Variants in NAALADL2 observed in about 807,000 individuals in gnomAD.
NAALADL2 encodes the protein inactive N-acetylated-alpha-linked acidic dipeptidase-like protein 2.
In NAALADL2, 76 loss-of-function variants were observed where a neutral mutation model predicts 87.2. The observed-to-expected ratio is 0.87, with a 90% CI of 0.72 to 1.05. NAALADL2 has a LOEUF of 1.05. Ranked by LOEUF, NAALADL2 falls within the 50% of genes least tolerant of loss-of-function variation. NAALADL2 has a pLI of 0.00. For missense variants in NAALADL2, 1,089 were observed against 945.8 expected (o/e 1.15, Z -1.99); for synonymous variants, 354 against 331.0 (o/e 1.07, Z -0.75).
intron 1 of NAALADL2, among the ~76,000 whole-genome samples, chr3:174,896,342 T>TA (rs1168679197): frequency 6.6e-6 from 1 of 152,086 alleles, no homozygotes; most frequent in African/African-American, 2.4e-5. Flanking sequence ...AGTTGCAGGA[T>TA]AAAAAATCAA....
chr3:175,127,620 A>C (rs914699554), intron 2 of NAALADL2, among the ~76,000 whole-genome samples: 3 of 151,956 alleles, frequency 2.0e-5, no homozygotes, highest in Admixed American at 1.3e-4. Context: ...CCTTATCTGG[A>C]AATATTACTA....
intron 1 of NAALADL2, among the ~76,000 whole-genome samples, chr3:174,999,185 A>G (rs1254531232): frequency 6.6e-6 from 1 of 152,150 alleles, no homozygotes; most frequent in Non-Finnish European, 1.5e-5. Context: ...TCTATTTTGT[A>G]TCTAGGAATT....
chr3:175,385,907 A>T (rs1415975859), intron 5 of NAALADL2, among the ~76,000 whole-genome samples: 2 of 152,096 alleles, frequency 1.3e-5, no homozygotes, highest in Non-Finnish European at 2.9e-5. Flanking sequence ...CTATATGCCC[A>T]AGGAAGAGGG....
At chr3:175,718,227 T>TTTTTTTTTGTGTAA in intron 11 of NAALADL2, 3 of 1,037,686 alleles carry the variant, frequency 2.9e-6, no homozygotes, top group Non-Finnish European at 2.8e-6. Context: ...TTTTTTTGAT[T>TTTTTTTTTGTGTAA]AGTTGCTGTA....
intron 5 of NAALADL2, among the ~76,000 whole-genome samples, chr3:175,363,978 C>T (rs1017491911): frequency 1.3e-5 from 2 of 148,284 alleles, no homozygotes; most frequent in African/African-American, 4.9e-5. Flanking sequence ...TGGGAATTAA[C>T]ACAAATGCAT....
chr3:174,549,263 C>G (rs960718521), intron 1 of NAALADL2, among the ~76,000 whole-genome samples: 4 of 152,162 alleles, frequency 2.6e-5, no homozygotes, highest in Non-Finnish European at 4.4e-5. Flanking sequence ...CAGAGCAGAT[C>G]TGACATATAT....
chr3:174,787,622 G>GTATATATATATATA (rs1716964713), intron 3 of NAALADL2, among the ~76,000 whole-genome samples: 1 of 15,006 alleles, frequency 6.7e-5, no homozygotes, highest in African/African-American at 2.2e-4. Flanking sequence ...TATATATATA[G>GTATATATATATATA]TAGTGACTCT....
At chr3:175,802,941 CCAACGTTT>C in intron 13 of NAALADL2, 56 bp from the exon 14 acceptor site, 1 of 1,034,920 alleles carries the variant, frequency 9.7e-7, no homozygotes. Flanking sequence ...AATATTCATT[CCAACGTTT>C]GATAGAAAAA....
chr3:175,384,546 A>C (rs567083854), intron 5 of NAALADL2, among the ~76,000 whole-genome samples: 1 of 151,984 alleles, frequency 6.6e-6, no homozygotes, highest in Non-Finnish European at 1.5e-5. Context: ...AAAAGTAGTC[A>C]TACACTTTAG....
At chr3:174,505,806 T>C (rs1032632735) in intron 1 of NAALADL2, among the ~76,000 whole-genome samples, 2 of 152,222 alleles carry the variant, frequency 1.3e-5, no homozygotes, top group African/African-American at 2.4e-5. Flanking sequence ...CCAAATTACT[T>C]TCTCTTGCCC....
chr3:175,197,010 A>G (rs565638527), intron 2 of NAALADL2, among the ~76,000 whole-genome samples: 6 of 152,074 alleles, frequency 3.9e-5, no homozygotes, highest in Admixed American at 2.0e-4. Context: ...TAGGTGAGAA[A>G]CATAAGGGGT....
In NAALADL2 at chr3:174,914,086, G is replaced by A. The variant is rs572815915; in HGVS notation, c.43+54636G>A. 6.0e-5 allele frequency among the ~76,000 whole-genome samples: 9 copies of A among 148,860 alleles called. No individual in the cohort carries two copies. The South Asian group carries it at 6.4e-4, about 11-fold the overall frequency. On this transcript the variant is annotated intron_variant, in intron 1 of 13. Transcript: ENST00000454872. ...TTCTTTTTTTTTTTTAATTAGAGAC[G>A]GAGTCTCACTCTGTTACCCAGGCTG...
intron 1 of NAALADL2, among the ~76,000 whole-genome samples, chr3:174,925,638 G>A (rs1218593216): frequency 6.6e-6 from 1 of 152,102 alleles, no homozygotes; most frequent in Non-Finnish European, 1.5e-5. Context: ...GGGGATGGCA[G>A]CATTGAATCT....
intron 2 of NAALADL2, among the ~76,000 whole-genome samples, chr3:174,732,299 T>G (rs1015867247): frequency 5.9e-5 from 9 of 152,082 alleles, no homozygotes; most frequent in Non-Finnish European, 1.2e-4. Context: ...TGGAATAGAT[T>G]TTATGAAATA....
chr3:175,107,725 GTTCA>G (rs1303470042), intron 2 of NAALADL2, among the ~76,000 whole-genome samples: 1 of 151,238 alleles, frequency 6.6e-6, no homozygotes, highest in African/African-American at 2.4e-5. Flanking sequence ...AATTACCAAT[GTTCA>G]TTATTATATT....
chr3:175,397,312 A>T (rs1490453425), intron 5 of NAALADL2: 2 of 152,132 alleles, frequency 1.3e-5, no homozygotes. Context: ...TCTCTGTATC[A>T]TTCCAATTAT....
In NAALADL2 at chr3:175,627,283, T is replaced by C. The variant is rs761102059; in HGVS notation, c.1801-8T>C. The C allele has an allele frequency of 1.4e-5, 21 of 1,547,826 alleles. No homozygotes were observed. In the South Asian group the frequency reaches 2.5e-4, roughly 19 times the overall value. On this transcript the variant is annotated splice_polypyrimidine_tract_variant and splice_region_variant and intron_variant, in intron 10 of 13. Coordinates refer to ENST00000454872, the MANE Select transcript of NAALADL2 (RefSeq NM_207015.3). ...AGTTTTAAATGTTTCTTTTTTGATT[T>C]GCCGCAGGGTCCAAGTTTTCTCTCC...
intron 5 of NAALADL2, among the ~76,000 whole-genome samples, chr3:175,407,954 A>G (rs1712709997): frequency 6.6e-6 from 1 of 152,190 alleles, no homozygotes; most frequent in South Asian, 2.1e-4. Flanking sequence ...TGGTCTGCCA[A>G]TAGTTTTAAT....
intron 1 of NAALADL2, among the ~76,000 whole-genome samples, chr3:174,542,135 G>A (rs1197115722): frequency 6.6e-6 from 1 of 152,130 alleles, no homozygotes; most frequent in Non-Finnish European, 1.5e-5. Flanking sequence ...CATGGTGCTG[G>A]TGGGAGTGTC....
Sources: allele counts gnomAD v4.1 joint callset (sites outside exome capture counted in the v4.1 genomes callset), GRCh38; gene constraint gnomAD v4.1.1; transcripts MANE v1.5; gene names NCBI Gene and HGNC (gene_info 2026-07-23, HGNC 2026-07-21).